SIDT1: variants seen among roughly 807,000 people sequenced by gnomAD.
SIDT1 encodes the protein SID1 transmembrane family member 1.
A neutral mutation model predicts 107.5 loss-of-function variants in SIDT1; 101 were observed. The observed-to-expected ratio is 0.94, with a 90% CI of 0.80 to 1.11. The LOEUF (loss-of-function observed/expected upper bound fraction) is 1.11, where lower values mean the gene tolerates loss of function less well. Ranked by LOEUF, SIDT1 falls within the 50% of genes least tolerant of loss-of-function variation. The pLI is 0.00. For missense variants in SIDT1, 1,076 were observed against 1,058.2 expected, an observed-to-expected ratio of 1.02 and a Z score of -0.23; for synonymous variants, 395 against 398.2, an observed-to-expected ratio of 0.99 and a Z score of 0.10.
chr3:113,572,799 CCTT>C (rs1942574776), intron 3 of SIDT1, among the ~76,000 whole-genome samples: 1 of 152,126 alleles, frequency 6.6e-6, no homozygotes, highest in Non-Finnish European at 1.5e-5. Flanking sequence ...CCTCCTCTAG[CCTT>C]CTAAGTAGGG....
chr3:113,606,506 C>T (rs762763699), intron 14 of SIDT1: 2 of 152,294 alleles, frequency 1.3e-5, no homozygotes, highest in African/African-American at 4.8e-5. Context: ...TGTTTATAAT[C>T]TAAATCTTCT....
At chr3:113,547,496 G>A (rs902707432) in intron 1 of SIDT1, among the ~76,000 whole-genome samples, 1 of 152,000 alleles carries the variant, frequency 6.6e-6, no homozygotes, top group African/African-American at 2.4e-5. Flanking sequence ...TGTTTTTGCT[G>A]TGACAATAAT....
At chr3:113,612,407 T>C in intron 19 of SIDT1, 1 of 614,642 alleles carries the variant, frequency 1.6e-6, no homozygotes, top group Non-Finnish European at 3.0e-6. Context: ...TATTTTCAGC[T>C]GAGAAACTAA....
intron 1 of SIDT1, among the ~76,000 whole-genome samples, chr3:113,543,233 G>A (rs948938855): frequency 5.9e-5 from 9 of 152,016 alleles, no homozygotes; most frequent in African/African-American, 1.5e-4. Context: ...GAGCCACCAC[G>A]CCCAGCCCAA....
chr3:113,585,580 T>C (rs1175646949), intron 9 of SIDT1, among the ~76,000 whole-genome samples: 1 of 152,202 alleles, frequency 6.6e-6, no homozygotes, highest in Non-Finnish European at 1.5e-5. Flanking sequence ...AAAGGCAACA[T>C]GTATATTTTT....
rs1945221683 is a variant in SIDT1, at chr3:113,604,993, C to A, written c.1404+17C>A. On this transcript the variant is annotated intron_variant, in intron 14 of 24. Coordinates refer to ENST00000264852, the MANE Select transcript of SIDT1 (RefSeq NM_017699.3). ...TATCAGACAGTAAGTGCTGCCCCAG[C>A]CCCAGCCCCAGAGTCCCAGCTTTCT... is the stretch of plus-strand genomic sequence containing the variant. The A allele has an allele frequency of 6.2e-7, 1 of 1,612,952 alleles. No homozygotes were observed. Among genetic ancestry groups the A allele is most frequent in the South Asian group, 1.1e-5 (1 of 91,080 alleles).
intron 21 of SIDT1, among the ~76,000 whole-genome samples, chr3:113,622,078 A>G (rs373577596): frequency 6.6e-6 from 1 of 152,242 alleles, no homozygotes; most frequent in East Asian, 1.9e-4. Flanking sequence ...GAAATTAGAA[A>G]TATGAATCAG....
intron 1 of SIDT1, among the ~76,000 whole-genome samples, chr3:113,549,823 G>A (rs1940012899): frequency 6.6e-6 from 1 of 152,050 alleles, no homozygotes; most frequent in Non-Finnish European, 1.5e-5. Flanking sequence ...CAAATCAAAA[G>A]TCACCTCAAT....
intron 1 of SIDT1, among the ~76,000 whole-genome samples, chr3:113,556,568 T>A (rs1940878048): frequency 6.6e-6 from 1 of 152,112 alleles, no homozygotes; most frequent in Non-Finnish European, 1.5e-5. Flanking sequence ...CAATGAGAAT[T>A]TAAAGAGTGT....
rs548955366 is a variant in SIDT1, at chr3:113,618,311, G to A, written c.2044-1369G>A. On this transcript the variant is annotated intron_variant, in intron 20 of 24. Coordinates refer to ENST00000264852, the MANE Select transcript of SIDT1 (RefSeq NM_017699.3). ...ATTGCCCGGATGTGGGATGTGCCAC[G>A]TTTATTTATTCACCCACTAAAGGGC... Among the ~76,000 whole-genome samples the A allele has an allele frequency of 2.5e-4, 38 of 152,252 alleles. No individual in the cohort carries two copies. The East Asian group carries it at 2.7e-3, about 11-fold the overall frequency.
At chr3:113,615,002 G>A (rs753659147) in intron 19 of SIDT1, 253 of 1,518,534 alleles carry the variant, frequency 1.7e-4, no homozygotes, top group Non-Finnish European at 2.1e-4. Context: ...TACATGTTTG[G>A]CTACTTTCTT....
In SIDT1 at chr3:113,626,214, T is replaced by G. The variant is rs1946839040; in HGVS notation, c.2420T>G (p.Leu807Trp). 1 of 1,598,550 alleles carries G rather than the reference T, an allele frequency of 6.3e-7. No homozygotes were observed. Among genetic ancestry groups the G allele is most frequent in the Non-Finnish European group, 8.6e-7 (1 of 1,165,722 alleles). ...GCTACTGCTCTGTTTTTCTCATTCT[T>G]GGTGAGTTCATATCTATCTTTTTGT... is the stretch of plus-strand genomic sequence containing the variant. Reference protein sequence around the residue: ...LSATALFFSFLVLLTLDDDLD... With the variant: ...LSATALFFSFWVLLTLDDDLD... The change falls in exon 24 of 25, where the codon TTG becomes TGG. Residue 807 changes from leucine to tryptophan, a missense_variant and splice_region_variant. Leu to Trp is a moderately conservative substitution (Grantham distance 61, BLOSUM62 -2). Coordinates refer to ENST00000264852, the MANE Select transcript of SIDT1 (RefSeq NM_017699.3).
At chr3:113,546,010 A>G (rs548049414) in intron 1 of SIDT1, among the ~76,000 whole-genome samples, 22 of 152,330 alleles carry the variant, frequency 1.4e-4, no homozygotes, top group African/African-American at 4.8e-4. Flanking sequence ...ATTTCACAAT[A>G]AACACATTTT....
chr3:113,602,997 TG>T lies in SIDT1; in HGVS notation c.1118-7del, dbSNP rs1478925234. 6.2e-7 allele frequency: 1 copy of T among 1,613,104 alleles called. No individual in the cohort carries two copies. Among genetic ancestry groups the T allele is most frequent in the Admixed American group, 1.7e-5 (1 of 59,848 alleles). On this transcript the variant is annotated splice_region_variant and splice_polypyrimidine_tract_variant and intron_variant, in intron 11 of 24. Coordinates refer to ENST00000264852, the MANE Select transcript of SIDT1 (RefSeq NM_017699.3). ...CTTTTGATGGCAGATGAGTTGTCTC[TG>T]TTTCAGATGAGTCAAGCTCCAGTCC...
intron 10 of SIDT1, among the ~76,000 whole-genome samples, chr3:113,593,676 A>G (rs1043490096): frequency 6.6e-6 from 1 of 152,178 alleles, no homozygotes; most frequent in African/African-American, 2.4e-5. Context: ...AATTGTTCAT[A>G]CCTGTCCTAT....
chr3:113,614,721 ATCACTACTG>A (rs1325441602), intron 19 of SIDT1, among the ~76,000 whole-genome samples: 2 of 152,188 alleles, frequency 1.3e-5, no homozygotes, highest in Non-Finnish European at 2.9e-5. Flanking sequence ...GCTTCCCCAA[ATCACTACTG>A]TGTCCCCCAG....
In SIDT1 at chr3:113,628,817, A is replaced by G. The variant is rs1285114957; in HGVS notation, c.*1109A>G. 6.6e-6 allele frequency: 1 copy of G among 152,250 alleles called. No homozygotes were observed. Among genetic ancestry groups the G allele is most frequent in the Non-Finnish European group, 1.5e-5 (1 of 68,058 alleles). The allele number at this position is 152,250 out of a possible 1,614,324, so 9.4% of individuals were successfully genotyped here. On this transcript the variant is annotated 3_prime_UTR_variant, in exon 25 of 25. Coordinates refer to ENST00000264852, the MANE Select transcript of SIDT1 (RefSeq NM_017699.3). ...CCTGAGGTTCTCAGAAGCAGCTCTC[A>G]GGATGAACGTATTGTCCTCTTCCCC... is the stretch of plus-strand genomic sequence containing the variant.
chr3:113,544,439 C>G (rs1354729087), intron 1 of SIDT1, among the ~76,000 whole-genome samples: 1 of 152,176 alleles, frequency 6.6e-6, no homozygotes, highest in East Asian at 1.9e-4. Flanking sequence ...ATCCACCCAG[C>G]TCGGCCTCCC....
chr3:113,580,711 T>C lies in SIDT1; in HGVS notation c.663+2T>C, dbSNP rs1943260286. 6.3e-7 allele frequency: 1 copy of C among 1,586,312 alleles called. No individual in the cohort carries two copies. Among genetic ancestry groups the C allele is most frequent in the Non-Finnish European group, 8.7e-7 (1 of 1,154,770 alleles). Reference sequence around the variant, plus strand: ...GTTGTCTCAGTCCAGAATATCATGGTGAGTGCTGATAACTTGCCAACCTTC... The same window carrying C: ...GTTGTCTCAGTCCAGAATATCATGGCGAGTGCTGATAACTTGCCAACCTTC... On this transcript the variant is annotated splice_donor_variant, in intron 5 of 24. Transcript: ENST00000264852. LOFTEE classifies it high-confidence loss of function.
Sources: allele counts gnomAD v4.1 joint callset (sites outside exome capture counted in the v4.1 genomes callset), GRCh38; gene constraint gnomAD v4.1.1; transcripts MANE v1.5; gene names NCBI Gene and HGNC (gene_info 2026-07-23, HGNC 2026-07-21).